The following PIEZO2 variants were observed in gnomAD, a reference collection of about 807,000 sequenced individuals.
PIEZO2 encodes piezo-type mechanosensitive ion channel component 2.
A neutral mutation model predicts 337.3 loss-of-function variants in PIEZO2; 172 were observed. That is an observed-to-expected ratio of 0.51 (90% CI 0.45 to 0.58). The LOEUF is 0.58. PIEZO2 is among the 20% of genes least tolerant of loss of function. PIEZO2 has a pLI of 0.00. For missense variants in PIEZO2, 3,028 were observed against 3,391.3 expected (o/e 0.89, Z 2.66); for synonymous variants, 1,251 against 1,228.5 (o/e 1.02, Z -0.38).
rs554067283 is a variant in PIEZO2 at position 10,754,323 on chromosome 18, C to A, written c.3924-1444G>T. Among the ~76,000 whole-genome samples, 32 of 152,286 alleles carry A rather than the reference C, an allele frequency of 2.1e-4. 1 individual carries two copies. The highest frequency in any genetic ancestry group is 3.9e-4 in the Admixed American group (6 of 15,286). ...GGGCTCTGGCCACTTTCCAGAGATC[C>A]CAGGGTGCTGCGGAGCTGACCCCTG... is the stretch of plus-strand genomic sequence containing the variant. On this transcript the variant is annotated intron_variant, in intron 27 of 55. Transcript: ENST00000674853.
intron 3 of PIEZO2, among the ~76,000 whole-genome samples, chr18:10,934,291 T>C (rs981839284): frequency 6.6e-6 from 1 of 152,158 alleles, no homozygotes; most frequent in African/African-American, 2.4e-5. Flanking sequence ...AGGGCAGGCA[T>C]TGTGAGGCTT....
chr18:10,992,557 T>C (rs562973807), intron 2 of PIEZO2, among the ~76,000 whole-genome samples: 1 of 152,344 alleles, frequency 6.6e-6, no homozygotes, highest in South Asian at 2.1e-4. Context: ...GTGTGATTTC[T>C]GAGGCCTCTG....
chr18:10,802,306 G>A (rs7227529), intron 9 of PIEZO2, among the ~76,000 whole-genome samples: 38,876 of 151,818 alleles, frequency 0.26, 5,257 homozygotes, highest in East Asian at 0.35. Context: ...GTACTCATTT[G>A]CATTCTTAAA....
intron 2 of PIEZO2, among the ~76,000 whole-genome samples, chr18:10,989,805 A>C (rs2035020902): frequency 6.6e-6 from 1 of 152,192 alleles, no homozygotes; most frequent in Non-Finnish European, 1.5e-5. Context: ...TACACCCCAC[A>C]GATTAGAAAA....
chr18:11,039,310 AAG>A (rs1221748109), intron 2 of PIEZO2, among the ~76,000 whole-genome samples: 13 of 152,224 alleles, frequency 8.5e-5, no homozygotes, highest in African/African-American at 3.1e-4. Context: ...TGTAGGCAGA[AAG>A]GGGAAAAACA....
chr18:10,757,881 C>G, intron 27 of PIEZO2, 88 bp downstream of exon 27: 1 of 1,311,970 alleles, frequency 7.6e-7, no homozygotes, highest in Non-Finnish European at 1.0e-6. Context: ...GATCTGTTTC[C>G]CAAGTATAGC....
intron 2 of PIEZO2, among the ~76,000 whole-genome samples, chr18:11,060,943 G>A (rs1322877520): frequency 6.6e-6 from 1 of 152,166 alleles, no homozygotes; most frequent in African/African-American, 2.4e-5. Flanking sequence ...GCCTGGCAGA[G>A]ACACAACAAA....
chr18:11,066,492 G>A (rs971364841), intron 1 of PIEZO2, among the ~76,000 whole-genome samples: 1 of 152,098 alleles, frequency 6.6e-6, no homozygotes, highest in Non-Finnish European at 1.5e-5. Context: ...CAAAACTATT[G>A]AAAATAATAA....
At position 10,871,419 on chromosome 18, in the gene PIEZO2, T is replaced by C. The variant is rs1598610299; in HGVS notation, c.330-4A>G. 5 of 1,528,444 alleles carry C rather than the reference T, an allele frequency of 3.3e-6. No homozygotes were observed. The African/African-American group carries it at 5.5e-5, about 17-fold the overall frequency. The allele number at this position is 1,528,444 out of a possible 1,614,324, so 94.7% of individuals were successfully genotyped here. A position where few individuals can be genotyped will look rare whatever the true frequency, so the allele number is the denominator to read the frequency against. The stretch of plus-strand genomic sequence containing the variant: ...GCCAGCATCAGCTCCCTTTAAGCTA[T>C]AAAGGAAAAACAAGGGGAGGGGAAA... On this transcript the variant is annotated splice_polypyrimidine_tract_variant and splice_region_variant and intron_variant, in intron 4 of 55. Coordinates refer to ENST00000674853, the MANE Select transcript of PIEZO2 (RefSeq NM_001378183.1).
At chr18:10,912,519 C>T (rs1446025592) in intron 3 of PIEZO2, among the ~76,000 whole-genome samples, 1 of 152,252 alleles carries the variant, frequency 6.6e-6, no homozygotes, top group East Asian at 1.9e-4. Flanking sequence ...CAATAGGAAA[C>T]GGTGGGTTCA....
chr18:10,791,037 C>G (rs1200940852), intron 14 of PIEZO2, among the ~76,000 whole-genome samples, 164 bp downstream of exon 14: 1 of 152,198 alleles, frequency 6.6e-6, no homozygotes, highest in Admixed American at 6.5e-5. Context: ...CTGTGCAACT[C>G]TCACGTGTAC....
rs1015614897 is a variant in PIEZO2, at chr18:11,105,351, C to A, written c.65-39129G>T. ...AGACTTACTCCTCTAGACTGTAAAC[C>A]ACACAACTAAACTCGACAAGAATAT... On this transcript the variant is annotated intron_variant, in intron 1 of 55. Transcript: ENST00000674853. This position sits in a 1 kb window ranked among gnomAD's most constrained non-coding sequence, Gnocchi z 4.3. 6.6e-6 allele frequency among the ~76,000 whole-genome samples: 1 copy of A among 152,136 alleles called. No homozygotes were observed. The highest frequency in any genetic ancestry group is 1.5e-5 in the Non-Finnish European group (1 of 68,024).
chr18:10,744,336 G>T, intron 30 of PIEZO2, 105 bp from the exon 31 acceptor site: 1 of 724,720 alleles, frequency 1.4e-6, no homozygotes, highest in South Asian at 1.7e-5. Flanking sequence ...ATCTCTTAAT[G>T]GCAGCTGCTT....
At position 10,797,279 on chromosome 18, in the gene PIEZO2, A is replaced by G. The variant is rs1346870696; in HGVS notation, c.1527+95T>C. ...ACCATCATATCTTATATACCATTATATATGTACCATCATATTATACATACC... is the reference window on the plus strand; with the variant it reads ...ACCATCATATCTTATATACCATTATGTATGTACCATCATATTATACATACC... On this transcript the variant is annotated intron_variant, in intron 12 of 55. Coordinates refer to ENST00000674853, the MANE Select transcript of PIEZO2 (RefSeq NM_001378183.1). The G allele has an allele frequency of 7.1e-6, 8 of 1,127,188 alleles. No homozygotes were observed. In the Admixed American group the frequency reaches 1.1e-4, roughly 15 times the overall value. 69.8% of individuals were successfully genotyped at this position (1,127,188 alleles called of 1,614,324 possible).
intron 4 of PIEZO2, among the ~76,000 whole-genome samples, chr18:10,889,811 T>C (rs1053874152): frequency 5.9e-5 from 9 of 152,116 alleles, no homozygotes; most frequent in Admixed American, 4.6e-4. Flanking sequence ...CAGCCCCAGG[T>C]CCACTGCCAG....
chr18:10,908,703 A>G (rs1251917494), intron 4 of PIEZO2: 2 of 152,256 alleles, frequency 1.3e-5, no homozygotes, highest in Non-Finnish European at 2.9e-5. Flanking sequence ...TAAGACATCC[A>G]AAAACCAGAA....
intron 7 of PIEZO2, among the ~76,000 whole-genome samples, chr18:10,835,787 G>T (rs535478546): frequency 2.0e-5 from 3 of 152,160 alleles, no homozygotes; most frequent in Non-Finnish European, 4.4e-5. Context: ...CAGATGATCC[G>T]CCCACCTTGG....
intron 2 of PIEZO2, among the ~76,000 whole-genome samples, chr18:11,059,094 C>T (rs1568337612): frequency 6.6e-6 from 1 of 152,128 alleles, no homozygotes; most frequent in Non-Finnish European, 1.5e-5. Context: ...AGAGTGGGGG[C>T]CAATATTCAA....
intron 4 of PIEZO2, among the ~76,000 whole-genome samples, chr18:10,900,030 G>T (rs1453494238): frequency 6.6e-6 from 1 of 152,016 alleles, no homozygotes; most frequent in Non-Finnish European, 1.5e-5. Context: ...GCTTATTTTT[G>T]CTAGAAGAAA....
Sources: allele counts gnomAD v4.1 joint callset (sites outside exome capture counted in the v4.1 genomes callset), GRCh38; gene constraint gnomAD v4.1.1; non-coding constraint Gnocchi (gnomAD v3.1); transcripts MANE v1.5; gene names NCBI Gene and HGNC (gene_info 2026-07-23, HGNC 2026-07-21).